TRPM8: variants seen among roughly 807,000 people sequenced by gnomAD.
TRPM8 encodes transient receptor potential cation channel subfamily M member 8, also known as TRPM8 cationic channel.
Under a neutral mutation model 133.7 loss-of-function variants are expected in TRPM8, and 110 were observed. That is an observed-to-expected ratio of 0.82 (90% CI 0.70 to 0.96). The LOEUF (loss-of-function observed/expected upper bound fraction) is 0.96, where lower values mean the gene tolerates loss of function less well. Among genes scored for constraint, TRPM8 ranks in the 40% least tolerant of loss-of-function variants. The pLI is 0.00. For synonymous variants in TRPM8, 535 were observed against 532.3 expected, an observed-to-expected ratio of 1.01 and a Z score of -0.07; for missense variants, 1,291 against 1,379.5, an observed-to-expected ratio of 0.94 and a Z score of 1.02.
chr2:233,987,434 C>T (rs1183978279), intron 21 of TRPM8, among the ~76,000 whole-genome samples: 1 of 152,028 alleles, frequency 6.6e-6, no homozygotes, highest in African/African-American at 2.4e-5. Context: ...CAAATAGAGC[C>T]CTGAGATTCC....
intron 11 of TRPM8, among the ~76,000 whole-genome samples, chr2:233,956,756 T>A (rs1298253687): frequency 2.0e-5 from 3 of 152,228 alleles, no homozygotes; most frequent in Non-Finnish European, 4.4e-5. Context: ...AATTATTCAT[T>A]CCCTTAGCAA....
At chr2:233,987,314 T>A (rs1692169916) in intron 21 of TRPM8, among the ~76,000 whole-genome samples, 1 of 152,232 alleles carries the variant, frequency 6.6e-6, no homozygotes, top group Non-Finnish European at 1.5e-5. Context: ...TAATATTGTT[T>A]TCTAAAAATA....
At chr2:233,996,652 A>T in intron 22 of TRPM8, 136 bp downstream of exon 22, 2 of 800,988 alleles carry the variant, frequency 2.5e-6, no homozygotes, top group Non-Finnish European at 3.9e-6. Context: ...TGTAAAGATC[A>T]GGCCTCAGGC....
intron 9 of TRPM8, among the ~76,000 whole-genome samples, chr2:233,953,351 C>T (rs1280234714): frequency 2.0e-5 from 3 of 152,208 alleles, no homozygotes; most frequent in Non-Finnish European, 4.4e-5. Flanking sequence ...GCCCTTCTCA[C>T]CAAGCTCCAG....
chr2:233,985,621 TG>T, intron 20 of TRPM8, 66 bp from the exon 21 acceptor site: 2 of 1,470,808 alleles, frequency 1.4e-6, no homozygotes, highest in Non-Finnish European at 1.9e-6. Flanking sequence ...CTTGTGGCCC[TG>T]GGAATGCCAT....
intron 22 of TRPM8, among the ~76,000 whole-genome samples, chr2:233,997,223 G>A (rs765885142): frequency 1.3e-5 from 2 of 151,106 alleles, no homozygotes; most frequent in Admixed American, 6.6e-5. Flanking sequence ...GCAGTGAGCC[G>A]AGATCTCACC....
chr2:233,969,988 AG>A (rs1691669476), intron 16 of TRPM8, 181 bp downstream of exon 16: 1 of 662,982 alleles, frequency 1.5e-6, no homozygotes, highest in Admixed American at 2.8e-5. Flanking sequence ...TTAAATGGGT[AG>A]GGGTGGGGTT....
rs781739202 is a variant in TRPM8, at chr2:233,930,721, T to C, written c.171T>C (p.Phe57=). The C allele has an allele frequency of 6.2e-7, 1 of 1,609,536 alleles. No homozygotes were observed. The highest frequency in any genetic ancestry group is 1.3e-5 in the African/African-American group (1 of 74,998). ...TTAAGAAACGAGAATGTGTCTTCTT[T>C]ACCAAAGATTCCAAGGCCACGTAAG... The part of the protein sequence containing the change: ...ANFKKRECVF[F]TKDSKATENV... The change falls in exon 3 of 26, where the codon TTT becomes TTC. Residue 57 remains phenylalanine, a synonymous_variant. Coordinates refer to ENST00000324695, the MANE Select transcript of TRPM8 (RefSeq NM_024080.5).
chr2:233,949,733 G>A (rs556988117), intron 8 of TRPM8, among the ~76,000 whole-genome samples: 1 of 152,316 alleles, frequency 6.6e-6, no homozygotes, highest in East Asian at 1.9e-4. Context: ...TATGGAATTT[G>A]TTGTGGGGAC....
chr2:234,001,001 G>C (rs1559548838), intron 22 of TRPM8, among the ~76,000 whole-genome samples: 1 of 152,174 alleles, frequency 6.6e-6, no homozygotes, highest in Non-Finnish European at 1.5e-5. Context: ...TTTAATAGTA[G>C]GTTTAATGAA....
rs762453855 is a variant in TRPM8, at chr2:233,955,234, A to G, written c.1346A>G (p.Asn449Ser). 7.4e-6 allele frequency: 12 copies of G among 1,613,714 alleles called. No homozygotes were observed. Among genetic ancestry groups the G allele is most frequent in the East Asian group, 2.2e-5 (1 of 44,898 alleles). The change falls in exon 11 of 26, where the codon AAT becomes AGT. Residue 449 changes from asparagine to serine, a missense_variant. Coordinates refer to ENST00000324695, the MANE Select transcript of TRPM8 (RefSeq NM_024080.5). ...TTAGCCAATGATGAGATTTTCACCA[A>G]TGACCGCCGATGGGAGGTAAGCACG... ...LDLANDEIFT[N>S]DRRWESADLQ...
At chr2:233,939,253 T>C in intron 5 of TRPM8, 78 bp downstream of exon 5, 1 of 1,507,358 alleles carries the variant, frequency 6.6e-7, no homozygotes, top group Admixed American at 1.9e-5. Flanking sequence ...GCAGTTCCCG[T>C]GTGCAATTCC....
At chr2:233,984,057 C>T (rs560980372) in intron 20 of TRPM8, among the ~76,000 whole-genome samples, 10 of 152,300 alleles carry the variant, frequency 6.6e-5, no homozygotes, top group South Asian at 4.1e-4. Context: ...CAGAAGCAGA[C>T]GCATTTCATC....
intron 1 of TRPM8, among the ~76,000 whole-genome samples, chr2:233,919,394 A>C (rs1247061868): frequency 6.6e-6 from 1 of 152,078 alleles, no homozygotes; most frequent in Non-Finnish European, 1.5e-5. Flanking sequence ...TAAGATGACA[A>C]TCTATTTCTT....
chr2:233,943,266 C>G (rs1449537012), intron 6 of TRPM8, among the ~76,000 whole-genome samples: 1 of 152,042 alleles, frequency 6.6e-6, no homozygotes, highest in Non-Finnish European at 1.5e-5. Flanking sequence ...CCCACTCCCC[C>G]CACTCCCCAA....
intron 21 of TRPM8, among the ~76,000 whole-genome samples, chr2:233,991,307 A>T (rs147207278): frequency 6.6e-6 from 1 of 152,234 alleles, no homozygotes; most frequent in African/African-American, 2.4e-5. Context: ...CTGAATTATC[A>T]ATTCCAAAAT....
intron 3 of TRPM8, among the ~76,000 whole-genome samples, chr2:233,933,368 A>C (rs1043309228): frequency 6.6e-6 from 1 of 152,242 alleles, no homozygotes; most frequent in South Asian, 2.1e-4. Flanking sequence ...TAACTTAAAT[A>C]TAAAATTAAA....
chr2:233,968,474 A>G (rs1691629420), intron 15 of TRPM8, among the ~76,000 whole-genome samples: 1 of 152,238 alleles, frequency 6.6e-6, no homozygotes, highest in African/African-American at 2.4e-5. Context: ...TTACCCACCA[A>G]CTGCAATTGG....
intron 10 of TRPM8, chr2:233,954,902 G>T: frequency 2.4e-6 from 1 of 417,096 alleles, no homozygotes; most frequent in Non-Finnish European, 4.3e-6. Flanking sequence ...GATATGCAAT[G>T]GAAAAACATT....
Sources: allele counts gnomAD v4.1 joint callset (sites outside exome capture counted in the v4.1 genomes callset), GRCh38; gene constraint gnomAD v4.1.1; transcripts MANE v1.5; gene names NCBI Gene and HGNC (gene_info 2026-07-23, HGNC 2026-07-21).